EDEM3: variants seen among roughly 807,000 people sequenced by gnomAD.
EDEM3 encodes the protein ER degradation-enhancing alpha-mannosidase-like protein 3.
Under a neutral mutation model 110.2 loss-of-function variants are expected in EDEM3, and 60 were observed. The ratio of observed to expected loss-of-function variants is 0.54; its 90% confidence interval spans 0.44 to 0.67. EDEM3 has a LOEUF of 0.67. EDEM3 is among the 30% of genes least tolerant of loss of function. The probability of loss-of-function intolerance (pLI) is 0.00; values close to 1 mark genes in which losing one functional copy is unlikely to be tolerated. For missense variants in EDEM3, 996 were observed against 1,121.0 expected (o/e 0.89, Z 1.59); for synonymous variants, 352 against 382.9 (o/e 0.92, Z 0.94).
intron 1 of EDEM3, among the ~76,000 whole-genome samples, chr1:184,752,823 T>C (rs1652839027): frequency 6.6e-6 from 1 of 152,198 alleles, no homozygotes. Flanking sequence ...ATTACTAGCT[T>C]TGTGGCTGAA....
rs140536429 is a variant in EDEM3, at chr1:184,724,668, T to C, written c.748-812A>G. The stretch of plus-strand genomic sequence containing the variant: ...ACTTGGCAGATTACAGAGTGTAAAA[T>C]AGTTATAATTCTTTACTCAAACTAT... On this transcript the variant is annotated intron_variant, in intron 7 of 19. Coordinates refer to ENST00000318130, the MANE Select transcript of EDEM3 (RefSeq NM_025191.4). Among the ~76,000 whole-genome samples the C allele has an allele frequency of 4.0e-3, 614 of 152,246 alleles. 5 individuals carry two copies. The highest frequency in any genetic ancestry group is 0.014 in the African/African-American group (593 of 41,570).
chr1:184,750,456 C>G (rs1026792206), intron 1 of EDEM3, among the ~76,000 whole-genome samples: 1 of 151,980 alleles, frequency 6.6e-6, no homozygotes, highest in Non-Finnish European at 1.5e-5. Context: ...AATTGTATGA[C>G]CAGACAAGGC....
chr1:184,723,790 C>G lies in EDEM3; in HGVS notation c.814G>C (p.Val272Leu), dbSNP rs528899420. ...KRQRSSNLVG[V>L]TINIHTGDWV... is the part of the protein sequence containing the mutation. ...TCTCCAGTATGAATATTTATAGTCA[C>G]GCCCACTAAATTACTACTTCGCTGT... is the stretch of plus-strand genomic sequence containing the variant. The change falls in exon 8 of 20, where the codon GTG becomes CTG. Residue 272 changes from valine to leucine, a missense_variant. Physicochemically the swap from Val to Leu is conservative, Grantham distance 32 (BLOSUM62 1). Transcript: ENST00000318130. 2.1e-5 allele frequency: 33 copies of G among 1,599,962 alleles called. No homozygotes were observed. The highest frequency in any genetic ancestry group is 5.4e-5 in the African/African-American group (4 of 73,754).
chr1:184,753,012 A>G (rs950803516), intron 1 of EDEM3, among the ~76,000 whole-genome samples: 2 of 152,218 alleles, frequency 1.3e-5, no homozygotes, highest in Admixed American at 6.5e-5. Flanking sequence ...ATTAGAGTTT[A>G]CCGGTAATTT....
chr1:184,719,443 C>T lies in EDEM3; in HGVS notation c.1077G>A (p.Gln359=), dbSNP rs1175634342. 6.2e-7 allele frequency: 1 copy of T among 1,612,100 alleles called. No individual in the cohort carries two copies. The highest frequency in any genetic ancestry group is 1.7e-5 in the Admixed American group (1 of 59,464). The part of the protein sequence containing the change: ...DALLAFFPGL[Q]VLKGDIRPAI... ...ATTAAGAAGACAGAATTCTTTATAC[C>T]TGCAAGCCTGGGAAGAAGGCAAGCA... Residue 359 remains glutamine (Q), a splice_region_variant and synonymous_variant, in exon 10 of 20, where the codon CAG becomes CAA. Transcript: ENST00000318130.
At chr1:184,739,961 G>A (rs1361266031) in intron 2 of EDEM3, among the ~76,000 whole-genome samples, 1 of 152,132 alleles carries the variant, frequency 6.6e-6, no homozygotes, top group Non-Finnish European at 1.5e-5. Flanking sequence ...AGGAGTTGAT[G>A]CTGGTGGCCC....
intron 1 of EDEM3, among the ~76,000 whole-genome samples, chr1:184,751,617 A>G (rs1233054910): frequency 6.6e-6 from 1 of 152,364 alleles, no homozygotes; most frequent in South Asian, 2.1e-4. Context: ...TAAATACAGA[A>G]TGGTATAATA....
At chr1:184,738,141 A>T (rs1034473453) in intron 2 of EDEM3, among the ~76,000 whole-genome samples, 1 of 152,210 alleles carries the variant, frequency 6.6e-6, no homozygotes, top group African/African-American at 2.4e-5. Context: ...CGTTTTTAGA[A>T]TGTTACAGAT....
At chr1:184,745,861 C>G (rs570307079) in intron 2 of EDEM3, among the ~76,000 whole-genome samples, 61 of 152,242 alleles carry the variant, frequency 4.0e-4, no homozygotes, top group African/African-American at 1.4e-3. Flanking sequence ...CTAACACAGA[C>G]AGGAAAAACA....
At chr1:184,752,356 A>G (rs1302612910) in intron 1 of EDEM3, among the ~76,000 whole-genome samples, 2 of 152,092 alleles carry the variant, frequency 1.3e-5, no homozygotes, top group Admixed American at 1.3e-4. Flanking sequence ...ATCATGAATC[A>G]TTATTTGGGC....
intron 4 of EDEM3, among the ~76,000 whole-genome samples, 169 bp from the exon 5 acceptor site, chr1:184,734,812 A>T (rs1558065111): frequency 6.6e-6 from 1 of 152,214 alleles, no homozygotes; most frequent in Non-Finnish European, 1.5e-5. Context: ...AACTAAAAAA[A>T]TTAAGTATCT....
intron 10 of EDEM3, 77 bp from the exon 11 acceptor site, chr1:184,719,322 A>G: frequency 6.6e-7 from 1 of 1,512,348 alleles, no homozygotes; most frequent in Non-Finnish European, 8.9e-7. Context: ...AAACAGAAAA[A>G]TGTATACAAA....
intron 2 of EDEM3, among the ~76,000 whole-genome samples, chr1:184,741,243 C>CA (rs1453990955): frequency 7.3e-5 from 11 of 151,590 alleles, no homozygotes; most frequent in Non-Finnish European, 5.9e-5. Context: ...ACTAAAAATA[C>CA]AAAAAATTAG....
chr1:184,708,953 CT>C (rs1650081607), intron 16 of EDEM3, among the ~76,000 whole-genome samples: 2 of 151,896 alleles, frequency 1.3e-5, no homozygotes, highest in Admixed American at 1.3e-4. Context: ...TGAATTGAGT[CT>C]TAACAGAGGG....
intron 2 of EDEM3, among the ~76,000 whole-genome samples, chr1:184,742,054 C>G (rs995019062): frequency 1.3e-5 from 2 of 152,178 alleles, no homozygotes; most frequent in African/African-American, 4.8e-5. Context: ...CTCTCTCCTA[C>G]TGCCTCTCAG....
At chr1:184,730,248 TAAGC>T (rs1651432398) in intron 6 of EDEM3, among the ~76,000 whole-genome samples, 2 of 152,194 alleles carry the variant, frequency 1.3e-5, no homozygotes. Context: ...TAATTTATCC[TAAGC>T]AAGAAACTAA....
intron 18 of EDEM3, among the ~76,000 whole-genome samples, chr1:184,705,660 A>T (rs963965124): frequency 6.6e-6 from 1 of 152,082 alleles, no homozygotes; most frequent in Non-Finnish European, 1.5e-5. Flanking sequence ...TTTTACCTGA[A>T]CTATTTTTTT....
chr1:184,736,128 T>C (rs182884712), intron 4 of EDEM3, among the ~76,000 whole-genome samples: 13 of 152,280 alleles, frequency 8.5e-5, no homozygotes, highest in South Asian at 6.2e-4. Context: ...ACCAAAGAGC[T>C]TTGGAAGGGA....
At chr1:184,694,546 G>T in intron 19 of EDEM3, 74 bp from the exon 20 acceptor site, 2 of 1,383,106 alleles carry the variant, frequency 1.4e-6, no homozygotes, top group Non-Finnish European at 1.9e-6. Context: ...AAGCATATTG[G>T]TTTTTGCAAC....
Sources: allele counts gnomAD v4.1 joint callset (sites outside exome capture counted in the v4.1 genomes callset), GRCh38; gene constraint gnomAD v4.1.1; transcripts MANE v1.5; gene names NCBI Gene and HGNC (gene_info 2026-07-23, HGNC 2026-07-21).